Variants in LINS1 observed in about 807,000 individuals in gnomAD.
The protein encoded by LINS1 is lines homolog 1.
In LINS1, 27 loss-of-function variants were observed where a neutral mutation model predicts 41.6. The ratio of observed to expected loss-of-function variants is 0.65; its 90% CI spans 0.48 to 0.89. LINS1 has a LOEUF of 0.89. Ranked by LOEUF, LINS1 falls within the 40% of genes least tolerant of loss-of-function variation. LINS1 has a pLI of 0.00. For missense variants in LINS1, 955 were observed against 884.1 expected, an observed-to-expected ratio of 1.08 and a Z score of -1.02; for synonymous variants, 336 against 312.9, an observed-to-expected ratio of 1.07 and a Z score of -0.78.
chr15:100,578,244 A>G (rs1254496048), intron 3 of LINS1, among the ~76,000 whole-genome samples: 3 of 152,050 alleles, frequency 2.0e-5, no homozygotes, highest in Non-Finnish European at 4.4e-5. Flanking sequence ...GACAACCTAC[A>G]AAATGGGAGA....
At chr15:100,579,564 G>C (rs1266197897) in intron 3 of LINS1, among the ~76,000 whole-genome samples, 2 of 151,556 alleles carry the variant, frequency 1.3e-5, no homozygotes, top group Non-Finnish European at 2.9e-5. Context: ...TTTATACTTT[G>C]TCTATTTTCC....
At chr15:100,576,455 C>G (rs1026736270) in intron 3 of LINS1, 4 of 152,154 alleles carry the variant, frequency 2.6e-5, no homozygotes, top group Non-Finnish European at 5.9e-5. Context: ...GACACATACA[C>G]CCTCCCAAGA....
intron 4 of LINS1, 64 bp downstream of exon 4, chr15:100,574,923 C>A: frequency 6.5e-7 from 1 of 1,534,002 alleles, no homozygotes; most frequent in Non-Finnish European, 9.0e-7. Flanking sequence ...TTTTGTTTCT[C>A]ATTATAAATG....
At chr15:100,591,616 C>T (rs567372530) in intron 1 of LINS1, among the ~76,000 whole-genome samples, 5 of 152,030 alleles carry the variant, frequency 3.3e-5, no homozygotes, top group African/African-American at 7.2e-5. Context: ...GTTTTTTTTC[C>T]GCAAATCTCT....
At chr15:100,576,345 CACCACT>C (rs1451512632) in intron 3 of LINS1, among the ~76,000 whole-genome samples, 2 of 152,172 alleles carry the variant, frequency 1.3e-5, no homozygotes, top group African/African-American at 4.8e-5. Context: ...AAGGGAGTAT[CACCACT>C]GATTCCATAG....
In LINS1 at chr15:100,574,002, T is replaced by C. The variant is rs776181666; in HGVS notation, c.871A>G (p.Ile291Val). 2 of 1,614,148 alleles carry C rather than the reference T, an allele frequency of 1.2e-6. No individual in the cohort carries two copies. Among genetic ancestry groups the C allele is most frequent in the South Asian group, 1.1e-5 (1 of 91,082 alleles). The change falls in exon 5 of 7, where the codon ATT (isoleucine) becomes GTT (valine). Residue 291 changes from isoleucine (I) to valine (V), a missense_variant. By Grantham distance (29) the Ile-to-Val change is conservative. Transcript: ENST00000314742. ...ACCTTCCTTTTAACAAAAGCCTGAA[T>C]AGGCCAGGTAATAACTTCTAGCATG... Reference protein sequence around the residue: ...SCMLEVITWPIQAFVKRKVII... With the variant: ...SCMLEVITWPVQAFVKRKVII...
intron 3 of LINS1, among the ~76,000 whole-genome samples, chr15:100,577,439 T>A (rs996316493): frequency 8.6e-5 from 13 of 152,044 alleles, no homozygotes; most frequent in Non-Finnish European, 1.9e-4. Flanking sequence ...TCAAAGAGAA[T>A]AAAATACCTA....
In LINS1 at chr15:100,569,887, C is replaced by A; in HGVS notation, c.1625G>T (p.Cys542Phe). 1 of 1,612,512 alleles carries A rather than the reference C, an allele frequency of 6.2e-7. No individual in the cohort carries two copies. The highest frequency in any genetic ancestry group is 1.3e-5 in the African/African-American group (1 of 74,994). Residue 542 changes from cysteine to phenylalanine, a missense_variant, in exon 7 of 7, where the codon TGC becomes TTC. Physicochemically the swap from Cys to Phe is radical, Grantham distance 205 (BLOSUM62 -2). Coordinates refer to ENST00000314742, the MANE Select transcript of LINS1 (RefSeq NM_001040616.3). ...AGATTCAGTTGCATCAAAGTTATTG[C>A]AAATGGTGAAAAAATTATCCCAGTC... ...QKDWDNFFTI[C>F]NNFDATESKY...
Position 100,567,985 on chromosome 15 carries a change from A to AT in LINS1, c.*1252_*1253insA, listed in dbSNP as rs1206293263. 1.3e-5 allele frequency: 2 copies of AT among 151,970 alleles called. No homozygotes were observed. The highest frequency in any genetic ancestry group is 4.8e-5 in the African/African-American group (2 of 41,402). The allele number at this position is 151,970 out of a possible 1,614,324, so 9.4% of individuals were successfully genotyped here. ...CTCTGCAAAGAGATCATTAAAAAAAAATGTACAGGCAATATTTTAGACTGC... is the reference window on the plus strand; with the variant it reads ...CTCTGCAAAGAGATCATTAAAAAAAATATGTACAGGCAATATTTTAGACTGC... On this transcript the variant is annotated 3_prime_UTR_variant, in exon 7 of 7. Transcript: ENST00000314742.
At chr15:100,570,184 T>C in intron 6 of LINS1, 67 bp from the exon 7 acceptor site, 14 of 1,231,668 alleles carry the variant, frequency 1.1e-5, no homozygotes, top group Non-Finnish European at 1.6e-5. Flanking sequence ...TTACCAGATA[T>C]AATTCACATA....
intron 3 of LINS1, among the ~76,000 whole-genome samples, chr15:100,575,701 C>A (rs140912160): frequency 0.13 from 19,789 of 152,184 alleles, 1,683 homozygotes; most frequent in Admixed American, 0.26. Context: ...AACTCTCCAA[C>A]CCAAATCAAC....
Position 100,580,554 on chromosome 15 carries a change from T to G in LINS1, c.289A>C (p.Lys97Gln). The G allele has an allele frequency of 6.2e-7, 1 of 1,614,064 alleles. No homozygotes were observed. Among genetic ancestry groups the G allele is most frequent in the Non-Finnish European group, 8.5e-7 (1 of 1,179,958 alleles). ...EVMLLQLTVI[K>Q]VMTTRILSVK... ...GACAATATCCGGGTTGTCATCACTT[T>G]GATCACTGTTAACTGAAGGAGCATT... The change falls in exon 2 of 7, where the codon AAA (lysine) becomes CAA (glutamine). Residue 97 changes from lysine to glutamine, a missense_variant. Lys to Gln is a moderately conservative substitution (Grantham distance 53). Coordinates refer to ENST00000314742, the MANE Select transcript of LINS1 (RefSeq NM_001040616.3).
At chr15:100,590,337 G>A (rs2038979139) in intron 1 of LINS1, among the ~76,000 whole-genome samples, 1 of 151,880 alleles carries the variant, frequency 6.6e-6, no homozygotes, top group African/African-American at 2.4e-5. Flanking sequence ...TACTTTGACA[G>A]ATAAAAGATG....
chr15:100,570,362 T>C, intron 6 of LINS1: 1 of 397,582 alleles, frequency 2.5e-6, no homozygotes, highest in Non-Finnish European at 4.5e-6. Flanking sequence ...AAAAGTTACC[T>C]GTTGTTCTTT....
At chr15:100,596,987 C>G (rs897828840) in intron 1 of LINS1, 7 of 152,250 alleles carry the variant, frequency 4.6e-5, no homozygotes, top group African/African-American at 1.4e-4. Flanking sequence ...ACTGCCCACC[C>G]ATTTCCTGGA....
At chr15:100,582,216 C>T (rs888004003) in intron 1 of LINS1, among the ~76,000 whole-genome samples, 2 of 145,664 alleles carry the variant, frequency 1.4e-5, no homozygotes, top group African/African-American at 5.0e-5. Context: ...TGGCCACTAG[C>T]CTAGTCTTGG....
chr15:100,596,005 C>A (rs1041825393), intron 1 of LINS1, among the ~76,000 whole-genome samples: 2 of 152,178 alleles, frequency 1.3e-5, no homozygotes, highest in Non-Finnish European at 2.9e-5. Context: ...AGATATCTTC[C>A]GACAGCATGC....
Position 100,574,154 on chromosome 15 carries a change from C to G in LINS1, c.719G>C (p.Arg240Pro), listed in dbSNP as rs369934297. 2 of 1,613,710 alleles carry G rather than the reference C, an allele frequency of 1.2e-6. No individual in the cohort carries two copies. Among genetic ancestry groups the G allele is most frequent in the South Asian group, 1.1e-5 (1 of 91,038 alleles). Residue 240 changes from arginine to proline, a missense_variant, in exon 5 of 7, where the codon CGG (arginine) becomes CCG (proline). Arg to Pro is a moderately radical substitution (Grantham distance 103). Coordinates refer to ENST00000314742, the MANE Select transcript of LINS1 (RefSeq NM_001040616.3). The stretch of plus-strand genomic sequence containing the variant: ...GATGTTTACTATTTTAGAAGTATCC[C>G]GGCAGTTTTCAAAATGCTGAGAGAA... ...SLFSQHFENC[R>P]DTSKIVNILM... is the part of the protein sequence containing the mutation.
intron 1 of LINS1, among the ~76,000 whole-genome samples, chr15:100,589,063 C>T (rs1049618905): frequency 2.6e-5 from 4 of 152,180 alleles, no homozygotes; most frequent in Admixed American, 2.0e-4. Flanking sequence ...GGCTTCTCCA[C>T]ATCTAGTACT....
Sources: allele counts gnomAD v4.1 joint callset (sites outside exome capture counted in the v4.1 genomes callset), GRCh38; gene constraint gnomAD v4.1.1; transcripts MANE v1.5; gene names NCBI Gene and HGNC (gene_info 2026-07-23, HGNC 2026-07-21).